Variants in FTCDNL1 observed in about 807,000 individuals in gnomAD.
FTCDNL1 encodes the protein formiminotransferase N-terminal subdomain-containing protein.
A neutral mutation model predicts 5.9 loss-of-function variants in FTCDNL1; 11 were observed. That is an observed-to-expected ratio of 1.87 (90% CI 1.18 to 3.10). The LOEUF (loss-of-function observed/expected upper bound fraction) is 3.10, where lower values mean the gene tolerates loss of function less well. Ranked by LOEUF, FTCDNL1 falls within the 30% of genes most tolerant of loss-of-function variation. The pLI, the probability that FTCDNL1 is intolerant of heterozygous loss-of-function variation, is 0.00. For missense variants in FTCDNL1, 115 were observed against 65.5 expected, an observed-to-expected ratio of 1.76 and a Z score of -2.61; for synonymous variants, 58 against 24.8, an observed-to-expected ratio of 2.34 and a Z score of -3.99.
chr2:199,727,049 C>T, the FTCDNL1 span, among the ~76,000 whole-genome samples: 1 of 152,230 alleles, frequency 6.6e-6, no homozygotes, highest in African/African-American at 2.4e-5. Context: ...CCACCCCTCC[C>T]CACAGGGGCT....
rs371432816 is a variant in FTCDNL1 at position 199,810,505 on chromosome 2, T to C, written c.*2200A>G. On this transcript the variant is annotated 3_prime_UTR_variant, in exon 5 of 5. Coordinates refer to ENST00000420128, the MANE Select transcript of FTCDNL1 (RefSeq NM_001363886.2). ...AAACCTGTTGGAGGCACCTCTTTCT[T>C]CCATCCCCAGCTATACAAGAGGCTG... 1.2e-4 allele frequency among the ~76,000 whole-genome samples: 19 copies of C among 152,274 alleles called. No homozygotes were observed. In the South Asian group the frequency reaches 3.9e-3, roughly 32 times the overall value.
At chr2:199,781,317 G>T (rs944229725) in intron 3 of FTCDNL1, among the ~76,000 whole-genome samples, 8 of 152,194 alleles carry the variant, frequency 5.3e-5, no homozygotes, top group Non-Finnish European at 1.2e-4. Context: ...CAGGCTCTGT[G>T]CTTCCTTCCT....
chr2:199,848,174 T>C (rs548534268), intron 2 of FTCDNL1, among the ~76,000 whole-genome samples: 1 of 152,362 alleles, frequency 6.6e-6, no homozygotes, highest in East Asian at 1.9e-4. Context: ...TACCTAACCA[T>C]GTGTCACCAC....
rs561911444 is a variant in FTCDNL1, at chr2:199,810,240, C to T, written c.*2465G>A. The stretch of plus-strand genomic sequence containing the variant: ...ATCACACCTCTGTACCCACCACTCC[C>T]TCTCTCCGAAACAAACTCCTGTCAT... On this transcript the variant is annotated 3_prime_UTR_variant, in exon 5 of 5. Coordinates refer to ENST00000420128, the MANE Select transcript of FTCDNL1 (RefSeq NM_001363886.2). Among the ~76,000 whole-genome samples the T allele has an allele frequency of 5.3e-4, 81 of 152,254 alleles. No individual in the cohort carries two copies. The South Asian group carries it at 0.015, about 28-fold the overall frequency.
chr2:199,808,632 AG>A (rs1404456125), downstream of FTCDNL1, among the ~76,000 whole-genome samples: 1 of 152,220 alleles, frequency 6.6e-6, no homozygotes, highest in Non-Finnish European at 1.5e-5. Context: ...AGGTTAATTC[AG>A]GTAACCGGCA....
chr2:199,697,231 C>T, the FTCDNL1 span, among the ~76,000 whole-genome samples: 313 of 152,108 alleles, frequency 2.1e-3, 2 homozygotes, highest in African/African-American at 5.9e-3. Context: ...GAGATCACGC[C>T]GCTGTGCTCC....
At chr2:199,782,032 C>T (rs1699392146) in intron 3 of FTCDNL1, among the ~76,000 whole-genome samples, 1 of 152,162 alleles carries the variant, frequency 6.6e-6, no homozygotes, top group Non-Finnish European at 1.5e-5. Context: ...ATCTTGCCGC[C>T]TCAGCCTCCC....
At chr2:199,692,396 G>A in the FTCDNL1 span, among the ~76,000 whole-genome samples, 2 of 152,178 alleles carry the variant, frequency 1.3e-5, no homozygotes, top group African/African-American at 4.8e-5. Context: ...TAACTCATTA[G>A]AATTGTCTAC....
chr2:199,706,115 C>T, the FTCDNL1 span, among the ~76,000 whole-genome samples: 1 of 152,174 alleles, frequency 6.6e-6, no homozygotes, highest in Non-Finnish European at 1.5e-5. Flanking sequence ...GATTAGTGTC[C>T]ATTATCCCTG....
At chr2:199,714,844 A>G in the FTCDNL1 span, among the ~76,000 whole-genome samples, 13 of 142,958 alleles carry the variant, frequency 9.1e-5, no homozygotes, top group African/African-American at 3.9e-4. Flanking sequence ...TACCGCAAGG[A>G]AAAAAACCAA....
the FTCDNL1 span, among the ~76,000 whole-genome samples, chr2:199,688,102 G>T: frequency 6.6e-6 from 1 of 151,640 alleles, no homozygotes; most frequent in Non-Finnish European, 1.5e-5. Context: ...ACAAAAATTA[G>T]CCAGGCATAA....
the FTCDNL1 span, among the ~76,000 whole-genome samples, chr2:199,680,925 T>A: frequency 1.3e-5 from 2 of 152,142 alleles, no homozygotes; most frequent in Non-Finnish European, 2.9e-5. Context: ...CTTTCCTACT[T>A]CATCTTTGAG....
chr2:199,710,202 G>A, the FTCDNL1 span, among the ~76,000 whole-genome samples: 3 of 152,082 alleles, frequency 2.0e-5, no homozygotes, highest in Non-Finnish European at 2.9e-5. Context: ...ACATTTTTGT[G>A]CTTTTTGATG....
the FTCDNL1 span, among the ~76,000 whole-genome samples, chr2:199,676,410 C>A: frequency 6.6e-6 from 1 of 151,942 alleles, no homozygotes; most frequent in Non-Finnish European, 1.5e-5. Context: ...TGGGAGGTTT[C>A]ATATATATTA....
At chr2:199,703,029 TTTGTTTGTTTG>T in the FTCDNL1 span, among the ~76,000 whole-genome samples, 3 of 152,098 alleles carry the variant, frequency 2.0e-5, no homozygotes, top group South Asian at 4.2e-4. Context: ...TGTTTGTTTG[TTTGTTTGTTTG>T]TTTTTAATTT....
At chr2:199,756,519 A>G (rs1698077691), downstream of FTCDNL1, among the ~76,000 whole-genome samples, 3 of 152,170 alleles carry the variant, frequency 2.0e-5, no homozygotes, top group Admixed American at 2.0e-4. Context: ...ATAATTTTTC[A>G]CACTCTAAAG....
chr2:199,678,059 A>G, the FTCDNL1 span, among the ~76,000 whole-genome samples: 1 of 152,186 alleles, frequency 6.6e-6, no homozygotes, highest in Non-Finnish European at 1.5e-5. Context: ...GTAACCATTG[A>G]ATCGAGGACA....
chr2:199,821,429 G>A (rs1370321711), intron 3 of FTCDNL1, among the ~76,000 whole-genome samples: 2 of 149,080 alleles, frequency 1.3e-5, no homozygotes, highest in African/African-American at 5.0e-5. Flanking sequence ...CAAAGTGCTG[G>A]GATTACAGGC....
downstream of FTCDNL1, among the ~76,000 whole-genome samples, chr2:199,804,736 C>G (rs1700635644): frequency 6.6e-6 from 1 of 152,166 alleles, no homozygotes; most frequent in African/African-American, 2.4e-5. Context: ...TTCTCCTTTC[C>G]CTCTCCATTT....
Sources: allele counts gnomAD v4.1 joint callset (sites outside exome capture counted in the v4.1 genomes callset), GRCh38; gene constraint gnomAD v4.1.1; transcripts MANE v1.5; gene names NCBI Gene and HGNC (gene_info 2026-07-23, HGNC 2026-07-21).